The following MMRN2 variants were observed in gnomAD, a reference collection of about 807,000 sequenced individuals.
MMRN2 encodes the protein multimerin-2.
MMRN2 carries 53 observed loss-of-function variants against 68.8 expected under a neutral mutation model. That is an observed-to-expected ratio of 0.77 (90% CI 0.62 to 0.97). The LOEUF (loss-of-function observed/expected upper bound fraction) is 0.97. MMRN2 is among the 50% of genes least tolerant of loss of function. MMRN2 has a pLI of 0.00. For missense variants in MMRN2, 1,266 were observed against 1,259.5 expected, an observed-to-expected ratio of 1.01 and a Z score of -0.08; for synonymous variants, 564 against 551.6, an observed-to-expected ratio of 1.02 and a Z score of -0.32.
At position 86,943,887 on chromosome 10, in the gene MMRN2, C is replaced by T. The variant is rs1169701085; in HGVS notation, c.897G>A (p.Glu299=). ...LGAKFEAKVQ[E]NTQRVGQLRQ... is the part of the protein sequence containing the mutation. ...GCAGCTGACCCACTCTCTGAGTGTT[C>T]TCCTGGACCTTGGCCTCAAATTTGG... The change falls in exon 6 of 7, where the codon GAG becomes GAA. Residue 299 remains glutamate (E), a synonymous_variant. Coordinates refer to ENST00000372027, the MANE Select transcript of MMRN2 (RefSeq NM_024756.3). This position sits in a 1 kb window ranked among gnomAD's most constrained non-coding sequence, Gnocchi z 4.2. The T allele has an allele frequency of 6.2e-7, 1 of 1,613,922 alleles. No homozygotes were observed. Among genetic ancestry groups the T allele is most frequent in the East Asian group, 2.2e-5 (1 of 44,894 alleles).
At chr10:86,939,461 CAAAAAAAAAAAAAAAAAAAAAA>C (rs34692290) in intron 6 of MMRN2, among the ~76,000 whole-genome samples, 2 of 74,576 alleles carry the variant, frequency 2.7e-5, no homozygotes, top group East Asian at 4.5e-4. Context: ...GACTCCGTCT[CAAAAAAAAAAAAAAAAAAAAAA>C]AAAAAAAAAA....
chr10:86,942,494 C>G lies in MMRN2; in HGVS notation c.2290G>C (p.Ala764Pro). 1.2e-6 allele frequency: 2 copies of G among 1,614,104 alleles called. No individual in the cohort carries two copies. Among genetic ancestry groups the G allele is most frequent in the Middle Eastern group, 1.6e-4 (1 of 6,062 alleles). Residue 764 changes from alanine to proline, a missense_variant, in exon 6 of 7, where the codon GCC becomes CCC. Ala to Pro is a conservative substitution (Grantham distance 27). Coordinates refer to ENST00000372027, the MANE Select transcript of MMRN2 (RefSeq NM_024756.3). Reference sequence around the variant, plus strand: ...TTCCCCAGGTCCAGGCTGACGTTGGCTTCCATGAGCCCTTGGAAGTTCCCA... The same window carrying G: ...TTCCCCAGGTCCAGGCTGACGTTGGGTTCCATGAGCCCTTGGAAGTTCCCA... ...LFGNFQGLME[A>P]NVSLDLGKLQ...
In MMRN2 at chr10:86,942,451, C is replaced by T. The variant is rs766614723; in HGVS notation, c.2333G>A (p.Ser778Asn). The T allele has an allele frequency of 6.2e-7, 1 of 1,614,076 alleles. No individual in the cohort carries two copies. The highest frequency in any genetic ancestry group is 8.5e-7 in the Non-Finnish European group (1 of 1,180,040). The change falls in exon 6 of 7, where the codon AGC (serine) becomes AAC (asparagine). Residue 778 changes from serine (S) to asparagine (N), a missense_variant. Coordinates refer to ENST00000372027, the MANE Select transcript of MMRN2 (RefSeq NM_024756.3). ...LDLGKLQTML[S>N]RKGKKQQKDL... ...TTTCTGCTGCTTCTTCCCTTTCCTG[C>T]TCAGCATGGTCTGCAGCTTCCCCAG...
intron 6 of MMRN2, among the ~76,000 whole-genome samples, 167 bp from the exon 7 acceptor site, chr10:86,937,292 A>G (rs1230832015): frequency 1.3e-5 from 2 of 152,204 alleles, no homozygotes; most frequent in Admixed American, 1.3e-4. Flanking sequence ...GAAAAGCTAG[A>G]TGGCCAATTC....
chr10:86,937,244 A>C, intron 6 of MMRN2, 119 bp from the exon 7 acceptor site: 1 of 1,071,684 alleles, frequency 9.3e-7, no homozygotes, highest in Non-Finnish European at 1.3e-6. Context: ...CTATTTCTAG[A>C]TAACCTAGAT....
chr10:86,941,461 A>T (rs538592043), intron 6 of MMRN2, among the ~76,000 whole-genome samples: 9 of 152,266 alleles, frequency 5.9e-5, no homozygotes, highest in East Asian at 3.9e-4. Flanking sequence ...TCAAAATCTT[A>T]TTGTACTGTA....
intron 1 of MMRN2, among the ~76,000 whole-genome samples, chr10:86,957,002 C>A (rs1386037604): frequency 6.6e-6 from 1 of 152,224 alleles, no homozygotes; most frequent in Non-Finnish European, 1.5e-5. Flanking sequence ...CTCAGGGCAG[C>A]CTTGCTGGGT....
intron 1 of MMRN2, chr10:86,949,148 A>C (rs2133683699): frequency 6.6e-6 from 1 of 152,318 alleles, no homozygotes; most frequent in East Asian, 1.9e-4. Flanking sequence ...ACTCATACAA[A>C]ATCAGTAATT....
At chr10:86,950,951 T>C (rs1332621708) in intron 1 of MMRN2, among the ~76,000 whole-genome samples, 2 of 152,044 alleles carry the variant, frequency 1.3e-5, no homozygotes, top group Non-Finnish European at 2.9e-5. Flanking sequence ...ATCTAGCTCA[T>C]AGATAATGCT....
Position 86,943,029 on chromosome 10 carries a change from G to A in MMRN2, c.1755C>T (p.Ala585=). ...VGALKAAAAE[A]RHEVRQLHSA... ...TGTGCAGCTGGCGCACCTCGTGGCG[G>A]GCCTCGGCCGCGGCCGCCTTCAGCG... The change falls in exon 6 of 7, where the codon GCC becomes GCT. Residue 585 remains alanine, a synonymous_variant. Coordinates refer to ENST00000372027, the MANE Select transcript of MMRN2 (RefSeq NM_024756.3). The surrounding 1 kb of genome is among the most constrained non-coding windows in gnomAD (Gnocchi z 4.2). The A allele has an allele frequency of 1.5e-6, 2 of 1,356,022 alleles. No homozygotes were observed. Among genetic ancestry groups the A allele is most frequent in the Non-Finnish European group, 1.9e-6 (2 of 1,056,672 alleles). The allele number at this position is 1,356,022 out of a possible 1,614,324, so 84.0% of individuals were successfully genotyped here. A position where few individuals can be genotyped will look rare whatever the true frequency, so the allele number is the denominator to read the frequency against.
At chr10:86,948,815 G>A (rs1265322296) in intron 1 of MMRN2, 2 of 152,152 alleles carry the variant, frequency 1.3e-5, no homozygotes, top group African/African-American at 2.4e-5. Context: ...AATTAGCCAG[G>A]TGTGGTGATG....
rs776827575 is a variant in MMRN2 at position 86,942,698 on chromosome 10, C to T, written c.2086G>A (p.Gly696Arg). The part of the protein sequence containing the change: ...REEAATTALA[G>R]LARELQSLSN... ...AGGCTCTGGAGCTCCCGCGCCAGCC[C>T]GGCCAGGGCGGTGGTGGCGGCCTCC... The change falls in exon 6 of 7, where the codon GGG becomes AGG. Residue 696 changes from glycine to arginine, a missense_variant. By Grantham distance (125) the Gly-to-Arg change is moderately radical (BLOSUM62 -2). Transcript: ENST00000372027. The T allele has an allele frequency of 1.9e-6, 3 of 1,550,814 alleles. No homozygotes were observed. Among genetic ancestry groups the T allele is most frequent in the African/African-American group, 2.7e-5 (2 of 72,992 alleles).
intron 1 of MMRN2, chr10:86,949,894 G>A (rs6586044): frequency 0.36 from 51,401 of 143,964 alleles, 9,260 homozygotes; most frequent in Admixed American, 0.41. Context: ...TAATAATAAT[G>A]ATAATAATAA....
chr10:86,942,167 G>A, intron 6 of MMRN2, 150 bp downstream of exon 6: 1 of 895,394 alleles, frequency 1.1e-6, no homozygotes, highest in South Asian at 2.0e-5. Flanking sequence ...CCCCTGAGAA[G>A]CAGGTGGGCC....
At chr10:86,937,157 C>A in intron 6 of MMRN2, 32 bp from the exon 7 acceptor site, 1 of 1,604,672 alleles carries the variant, frequency 6.2e-7, no homozygotes, top group Non-Finnish European at 8.5e-7. Flanking sequence ...CTTAGTGATT[C>A]ATCCCTTACA....
At chr10:86,937,786 A>G (rs1388720559) in intron 6 of MMRN2, among the ~76,000 whole-genome samples, 1 of 152,156 alleles carries the variant, frequency 6.6e-6, no homozygotes, top group Non-Finnish European at 1.5e-5. Flanking sequence ...GGGGAGAGGG[A>G]GAAAATATCC....
rs746783486 is a variant in MMRN2 at position 86,936,905 on chromosome 10, T to G, written c.2688A>C (p.Pro896=). 1.9e-6 allele frequency: 3 copies of G among 1,614,234 alleles called. No individual in the cohort carries two copies. The highest frequency in any genetic ancestry group is 2.5e-6 in the Non-Finnish European group (3 of 1,180,024). ...CACTCCCCTGCCCAGTGGTACAGAC[T>G]GGAGTCCGATGGTGACCTCCAAACA... ...QLVFGGHHRT[P]VCTTGQGSGS... Residue 896 remains proline, a synonymous_variant, in exon 7 of 7, where the codon CCA becomes CCC. Coordinates refer to ENST00000372027, the MANE Select transcript of MMRN2 (RefSeq NM_024756.3).
Position 86,944,352 on chromosome 10 carries a change from G to A in MMRN2, c.565C>T (p.His189Tyr), listed in dbSNP as rs1362996623. ...CCTGGCAGGCTGTCTGCCACCCGGT[G>A]CACATCATTCTGGAGATCTCCCAGC... ...HLLGDLQNDV[H>Y]RVADSLPGLW... Residue 189 changes from histidine to tyrosine, a missense_variant, in exon 5 of 7, where the codon CAC (histidine) becomes TAC (tyrosine). By Grantham distance (83) the His-to-Tyr change is moderately conservative. Coordinates refer to ENST00000372027, the MANE Select transcript of MMRN2 (RefSeq NM_024756.3). 2 of 1,614,018 alleles carry A rather than the reference G, an allele frequency of 1.2e-6. No homozygotes were observed. Among genetic ancestry groups the A allele is most frequent in the East Asian group, 2.2e-5 (1 of 44,880 alleles).
chr10:86,957,316 T>A, intron 1 of MMRN2, 62 bp downstream of exon 1: 1 of 1,566,006 alleles, frequency 6.4e-7, no homozygotes, highest in Non-Finnish European at 8.8e-7. Flanking sequence ...GAGGCTCTGC[T>A]CTAGCTGAGC....
Sources: allele counts gnomAD v4.1 joint callset (sites outside exome capture counted in the v4.1 genomes callset), GRCh38; gene constraint gnomAD v4.1.1; non-coding constraint Gnocchi (gnomAD v3.1); transcripts MANE v1.5; gene names NCBI Gene and HGNC (gene_info 2026-07-23, HGNC 2026-07-21).